The following ASTN2 variants were observed in gnomAD, a reference collection of about 807,000 sequenced individuals.
ASTN2 encodes the protein astrotactin-2.
Under a neutral mutation model 139.8 loss-of-function variants are expected in ASTN2, and 54 were observed. That is an observed-to-expected ratio of 0.39 (90% CI 0.31 to 0.48). The LOEUF (loss-of-function observed/expected upper bound fraction) is 0.48, where lower values mean the gene tolerates loss of function less well. ASTN2 is among the 20% of genes least tolerant of loss of function. The probability of loss-of-function intolerance (pLI) is 0.95; values close to 1 mark genes in which losing one functional copy is unlikely to be tolerated. For synonymous variants in ASTN2, 756 were observed against 719.5 expected, an observed-to-expected ratio of 1.05 and a Z score of -0.81; for missense variants, 1,565 against 1,725.1, an observed-to-expected ratio of 0.91 and a Z score of 1.64.
At chr9:116,731,264 CT>C (rs1315477489) in intron 14 of ASTN2, among the ~76,000 whole-genome samples, 2 of 151,314 alleles carry the variant, frequency 1.3e-5, no homozygotes, top group African/African-American at 4.8e-5. Flanking sequence ...ATTAGGAAAT[CT>C]CCAAGGATCC....
chr9:116,778,170 A>G (rs10983345), intron 13 of ASTN2, among the ~76,000 whole-genome samples: 3,301 of 148,360 alleles, frequency 0.022, 93 homozygotes, highest in East Asian at 0.083. Flanking sequence ...AGTGACGTCT[A>G]TGCTGTGGGA....
chr9:116,781,381 G>C (rs1243775165), intron 13 of ASTN2, among the ~76,000 whole-genome samples: 1 of 152,112 alleles, frequency 6.6e-6, no homozygotes, highest in Non-Finnish European at 1.5e-5. Flanking sequence ...TGGTGGACAG[G>C]ACCAAAGTTG....
In ASTN2 at chr9:117,370,324, A is replaced by G. The variant is rs1361393; in HGVS notation, c.442+44173T>C. On this transcript the variant is annotated intron_variant, in intron 1 of 22. Transcript: ENST00000313400. ...TTTCATCATGCACAGTCAATGGAAA[A>G]CAAATCAATCACCCTGTTTCTCCCT... Among the ~76,000 whole-genome samples the G allele has an allele frequency of 7.5e-3, 1,138 of 152,326 alleles. 17 individuals carry two copies. Among genetic ancestry groups the G allele is most frequent in the African/African-American group, 0.026 (1,075 of 41,570 alleles).
At chr9:116,467,861 A>C (rs1848697404) in intron 20 of ASTN2, among the ~76,000 whole-genome samples, 1 of 152,222 alleles carries the variant, frequency 6.6e-6, no homozygotes, top group Admixed American at 6.5e-5. Context: ...GCAGGACTGT[A>C]GTGAACTCTT....
chr9:116,947,894 A>G lies in ASTN2; in HGVS notation c.1889+27314T>C, dbSNP rs1835442546. Among the ~76,000 whole-genome samples, 5 of 152,252 alleles carry G rather than the reference A, an allele frequency of 3.3e-5. No homozygotes were observed. The South Asian group carries it at 1.0e-3, about 31-fold the overall frequency. On this transcript the variant is annotated intron_variant, in intron 10 of 22. Transcript: ENST00000313400. ...TAATGTCCTTTAGGGAAAACTATTC[A>G]GGTCAGAACCATGCGTTGTTTTAAT...
intron 1 of ASTN2, among the ~76,000 whole-genome samples, chr9:117,309,964 C>A (rs1827920888): frequency 6.6e-6 from 1 of 152,136 alleles, no homozygotes; most frequent in Non-Finnish European, 1.5e-5. Context: ...CTGGGCCCTG[C>A]AAATTATGTA....
At chr9:116,571,425 G>C (rs543054120) in intron 19 of ASTN2, among the ~76,000 whole-genome samples, 1 of 152,018 alleles carries the variant, frequency 6.6e-6, no homozygotes, top group Non-Finnish European at 1.5e-5. Flanking sequence ...CCTATTTCTG[G>C]CCTCTCCCTC....
chr9:117,055,042 G>A (rs1402676672), intron 5 of ASTN2, among the ~76,000 whole-genome samples: 1 of 152,164 alleles, frequency 6.6e-6, no homozygotes, highest in Non-Finnish European at 1.5e-5. Flanking sequence ...AGGCTGTATT[G>A]CTCACTTGCC....
chr9:117,287,220 G>A (rs754884407), intron 2 of ASTN2, among the ~76,000 whole-genome samples: 4 of 152,072 alleles, frequency 2.6e-5, no homozygotes, highest in Non-Finnish European at 5.9e-5. Context: ...TCTAAGTATT[G>A]GGGAATATTA....
chr9:116,657,445 G>T (rs1217876348), intron 16 of ASTN2, among the ~76,000 whole-genome samples: 1 of 152,154 alleles, frequency 6.6e-6, no homozygotes, highest in Non-Finnish European at 1.5e-5. Context: ...AGGCCTAATA[G>T]AAGTAAAATT....
chr9:116,885,109 G>C (rs1225713866), intron 10 of ASTN2, among the ~76,000 whole-genome samples: 1 of 152,068 alleles, frequency 6.6e-6, no homozygotes, highest in African/African-American at 2.4e-5. Flanking sequence ...ATTTCCACCA[G>C]AGGCTGGAAA....
intron 3 of ASTN2, among the ~76,000 whole-genome samples, chr9:117,205,751 C>G (rs1024859501): frequency 6.6e-6 from 1 of 152,084 alleles, no homozygotes; most frequent in Non-Finnish European, 1.5e-5. Flanking sequence ...AAGTAGCGGT[C>G]GGTGTCTGAA....
At chr9:117,385,886 T>G (rs569909861) in intron 1 of ASTN2, among the ~76,000 whole-genome samples, 1 of 152,060 alleles carries the variant, frequency 6.6e-6, no homozygotes, top group Admixed American at 6.5e-5. Flanking sequence ...CAAAAGAGGA[T>G]GAAGCTGGGG....
At chr9:117,347,620 T>C (rs1354012625) in intron 1 of ASTN2, among the ~76,000 whole-genome samples, 1 of 152,168 alleles carries the variant, frequency 6.6e-6, no homozygotes, top group Non-Finnish European at 1.5e-5. Flanking sequence ...CACCCAATTA[T>C]CTGTTCTTTA....
intron 19 of ASTN2, among the ~76,000 whole-genome samples, chr9:116,552,918 TAGTGTGA>T (rs1285425672): frequency 6.6e-6 from 1 of 152,128 alleles, no homozygotes; most frequent in Non-Finnish European, 1.5e-5. Flanking sequence ...ATTAAATTAT[TAGTGTGA>T]TGAAGAGAAT....
At chr9:117,141,693 T>A (rs1188652434) in intron 3 of ASTN2, among the ~76,000 whole-genome samples, 2 of 152,250 alleles carry the variant, frequency 1.3e-5, no homozygotes, top group African/African-American at 4.8e-5. Flanking sequence ...TACATACTTA[T>A]GTATTCAACA....
intron 3 of ASTN2, among the ~76,000 whole-genome samples, chr9:117,161,195 C>T (rs1051018331): frequency 3.3e-5 from 5 of 151,862 alleles, no homozygotes; most frequent in African/African-American, 1.2e-4. Flanking sequence ...GTGGTGGGGA[C>T]AGTGGTAGTG....
At chr9:117,015,442 C>A (rs1837647122) in intron 6 of ASTN2, among the ~76,000 whole-genome samples, 1 of 152,018 alleles carries the variant, frequency 6.6e-6, no homozygotes, top group Admixed American at 6.6e-5. Flanking sequence ...TGTATAAAAC[C>A]AAATTTATAG....
chr9:117,106,927 A>G (rs1439908654), intron 4 of ASTN2, among the ~76,000 whole-genome samples: 1 of 152,204 alleles, frequency 6.6e-6, no homozygotes, highest in African/African-American at 2.4e-5. Flanking sequence ...GCATGTGCAC[A>G]CATCTAGATT....
Sources: allele counts gnomAD v4.1 joint callset (sites outside exome capture counted in the v4.1 genomes callset), GRCh38; gene constraint gnomAD v4.1.1; transcripts MANE v1.5; gene names NCBI Gene and HGNC (gene_info 2026-07-23, HGNC 2026-07-21).